The following RORA variants were observed in gnomAD, a reference collection of about 807,000 sequenced individuals.
RORA encodes the protein RAR related orphan receptor A.
RORA carries 7 observed loss-of-function variants against 69.5 expected under a neutral mutation model. The observed-to-expected ratio is 0.10, with a 90% confidence interval of 0.06 to 0.19. RORA has a LOEUF of 0.19. RORA is among the 10% of genes least tolerant of loss of function. The pLI is 1.00. For synonymous variants in RORA, 261 were observed against 240.8 expected, an observed-to-expected ratio of 1.08 and a Z score of -0.78; for missense variants, 457 against 663.0, an observed-to-expected ratio of 0.69 and a Z score of 3.41.
intron 1 of RORA, among the ~76,000 whole-genome samples, chr15:61,023,399 A>G (rs1364729006): frequency 6.6e-6 from 1 of 152,174 alleles, no homozygotes; most frequent in Non-Finnish European, 1.5e-5. Context: ...CCAAAGCAGA[A>G]AGTCCTGATA....
Position 60,694,603 on chromosome 15 carries a change from C to T in RORA, c.167-15917G>A, listed in dbSNP as rs533262584. On this transcript the variant is annotated intron_variant, in intron 1 of 10. Coordinates refer to ENST00000335670, the MANE Select transcript of RORA (RefSeq NM_134261.3). ...AGAGATATAACCAGGACTGGAGGGG[C>T]CTCGCCCAAACCTCGAGGACACTCC... is the stretch of plus-strand genomic sequence containing the variant. Among the ~76,000 whole-genome samples, 27 of 152,324 alleles carry T rather than the reference C, an allele frequency of 1.8e-4. 1 individual carries two copies. The highest frequency in any genetic ancestry group is 1.2e-3 in the Admixed American group (19 of 15,310).
intron 2 of RORA, among the ~76,000 whole-genome samples, chr15:60,663,071 T>A (rs2070328264): frequency 6.6e-6 from 1 of 152,172 alleles, no homozygotes; most frequent in Non-Finnish European, 1.5e-5. Context: ...CCACCCCCAC[T>A]CTGATCTCCC....
At chr15:60,604,905 C>T (rs1250619474) in intron 2 of RORA, among the ~76,000 whole-genome samples, 1 of 152,156 alleles carries the variant, frequency 6.6e-6, no homozygotes, top group Non-Finnish European at 1.5e-5. Context: ...GTATCTGGCA[C>T]ACTGTTGATA....
At chr15:60,607,637 A>G (rs1346525783) in intron 2 of RORA, among the ~76,000 whole-genome samples, 1 of 152,212 alleles carries the variant, frequency 6.6e-6, no homozygotes, top group Non-Finnish European at 1.5e-5. Context: ...CCAAATATCA[A>G]TAAAGTAAAA....
chr15:60,851,216 T>C (rs2073321110), intron 1 of RORA, among the ~76,000 whole-genome samples: 1 of 152,224 alleles, frequency 6.6e-6, no homozygotes, highest in Non-Finnish European at 1.5e-5. Flanking sequence ...CGGCAATTTA[T>C]GAGCAGGAGC....
chr15:60,944,675 A>C (rs189794621), intron 1 of RORA, among the ~76,000 whole-genome samples: 3 of 144,452 alleles, frequency 2.1e-5, no homozygotes, highest in Non-Finnish European at 4.5e-5. Context: ...CAGTGAGCTG[A>C]GATCATACCA....
At chr15:61,007,153 G>T (rs1894935274) in intron 1 of RORA, among the ~76,000 whole-genome samples, 1 of 152,088 alleles carries the variant, frequency 6.6e-6, no homozygotes, top group Non-Finnish European at 1.5e-5. Context: ...TCTTGCCCCA[G>T]AAAGGACCAA....
At chr15:60,514,575 C>G (rs1277432745) in intron 4 of RORA, 41 bp downstream of exon 4, 1 of 1,603,176 alleles carries the variant, frequency 6.2e-7, no homozygotes, top group Admixed American at 1.7e-5. Context: ...GGCACTTTCA[C>G]AACCCCGTGC....
intron 2 of RORA, among the ~76,000 whole-genome samples, chr15:60,583,095 AT>A (rs56258320): frequency 6.6e-6 from 1 of 152,176 alleles, no homozygotes; most frequent in Admixed American, 6.5e-5. Context: ...CTACACCAGC[AT>A]TTTCAAAAGA....
At chr15:61,082,572 T>G (rs2078561229) in intron 1 of RORA, among the ~76,000 whole-genome samples, 1 of 152,152 alleles carries the variant, frequency 6.6e-6, no homozygotes, top group Non-Finnish European at 1.5e-5. Context: ...GAGTGACATT[T>G]TGTAAACGTG....
intron 1 of RORA, among the ~76,000 whole-genome samples, chr15:61,154,916 C>T (rs367883119): frequency 1.3e-5 from 2 of 152,262 alleles, no homozygotes; most frequent in African/African-American, 2.4e-5. Context: ...GGAGGTCACC[C>T]GGGCAAGGAG....
At chr15:61,159,880 A>T (rs778548893) in intron 1 of RORA, among the ~76,000 whole-genome samples, 1 of 152,194 alleles carries the variant, frequency 6.6e-6, no homozygotes, top group Non-Finnish European at 1.5e-5. Flanking sequence ...GTGTACTGAG[A>T]ATTTTCATTT....
intron 1 of RORA, among the ~76,000 whole-genome samples, chr15:61,212,435 T>C (rs568386894): frequency 5.8e-4 from 89 of 152,328 alleles, no homozygotes; most frequent in African/African-American, 2.0e-3. Flanking sequence ...AGTCTCACTC[T>C]GTCGCCCAGG....
At chr15:60,762,424 T>A (rs569398067) in intron 1 of RORA, among the ~76,000 whole-genome samples, 2 of 152,302 alleles carry the variant, frequency 1.3e-5, no homozygotes, top group African/African-American at 4.8e-5. Flanking sequence ...TGTATTTCTA[T>A]CAAACCAGAG....
chr15:60,593,664 G>GA (rs2068602957), intron 2 of RORA, among the ~76,000 whole-genome samples: 1 of 152,222 alleles, frequency 6.6e-6, no homozygotes, highest in Admixed American at 6.5e-5. Context: ...GAGCATAACA[G>GA]AAAAAAATTC....
chr15:61,067,138 G>A (rs1169013941), intron 1 of RORA, among the ~76,000 whole-genome samples: 2 of 147,504 alleles, frequency 1.4e-5, no homozygotes, highest in African/African-American at 2.5e-5. Context: ...TTGAGACAGA[G>A]TCTCACTCTG....
chr15:60,592,104 C>T (rs989871434), intron 2 of RORA, among the ~76,000 whole-genome samples: 1 of 152,010 alleles, frequency 6.6e-6, no homozygotes, highest in Non-Finnish European at 1.5e-5. Context: ...GGGAGACCCG[C>T]CCGGTGCCAA....
chr15:61,014,479 C>A (rs897958424), intron 1 of RORA, among the ~76,000 whole-genome samples: 7 of 152,178 alleles, frequency 4.6e-5, no homozygotes, highest in South Asian at 2.1e-4. Context: ...TGAACTTCAA[C>A]TTGCTTTTGA....
chr15:61,218,674 TCACACA>T (rs3054672), intron 1 of RORA, among the ~76,000 whole-genome samples: 7,565 of 142,912 alleles, frequency 0.053, 437 homozygotes, highest in African/African-American at 0.14. Flanking sequence ...CTAATATAAC[TCACACA>T]CACACACACA....
Sources: allele counts gnomAD v4.1 joint callset (sites outside exome capture counted in the v4.1 genomes callset), GRCh38; gene constraint gnomAD v4.1.1; transcripts MANE v1.5; gene names NCBI Gene and HGNC (gene_info 2026-07-23, HGNC 2026-07-21).